DPP6: variants seen among roughly 807,000 people sequenced by gnomAD.
DPP6 encodes A-type potassium channel modulatory protein DPP6.
In DPP6, 69 loss-of-function variants were observed where a neutral mutation model predicts 122.6. The observed-to-expected ratio is 0.56, with a 90% CI of 0.46 to 0.69. The LOEUF (loss-of-function observed/expected upper bound fraction) is 0.69, where lower values mean the gene tolerates loss of function less well. Ranked by LOEUF, DPP6 falls within the 30% of genes least tolerant of loss-of-function variation. The pLI, the probability that DPP6 is intolerant of heterozygous loss-of-function variation, is 0.00. For missense variants in DPP6, 928 were observed against 1,116.9 expected (o/e 0.83, Z 2.41); for synonymous variants, 418 against 433.1 (o/e 0.97, Z 0.43).
At chr7:154,122,790 T>C (rs1214942901) in intron 1 of DPP6, among the ~76,000 whole-genome samples, 3 of 152,202 alleles carry the variant, frequency 2.0e-5, no homozygotes, top group African/African-American at 7.2e-5. Flanking sequence ...GACCCCTCCC[T>C]CGAATTATCA....
At chr7:154,754,548 A>G (rs558534125) in intron 8 of DPP6, among the ~76,000 whole-genome samples, 1 of 152,382 alleles carries the variant, frequency 6.6e-6, no homozygotes, top group South Asian at 2.1e-4. Context: ...AAAAATGATG[A>G]TAGGGTTCAC....
chr7:154,751,198 G>A (rs965478771), intron 8 of DPP6, among the ~76,000 whole-genome samples: 10 of 152,306 alleles, frequency 6.6e-5, no homozygotes, highest in African/African-American at 2.2e-4. Flanking sequence ...CTTTAAAGGA[G>A]ATGTGGGTGT....
intron 1 of DPP6, among the ~76,000 whole-genome samples, chr7:154,143,261 T>G (rs998165330): frequency 2.0e-5 from 3 of 152,210 alleles, no homozygotes; most frequent in Non-Finnish European, 1.5e-5. Flanking sequence ...AAGTCTTTTC[T>G]GACCGTTCCC....
At chr7:154,228,107 G>A (rs1188119102) in intron 1 of DPP6, among the ~76,000 whole-genome samples, 7 of 152,072 alleles carry the variant, frequency 4.6e-5, no homozygotes, top group Non-Finnish European at 8.8e-5. Context: ...TAATCAAATG[G>A]GATCCTGAGA....
chr7:154,049,084 C>G (rs1192479693), upstream of DPP6, among the ~76,000 whole-genome samples: 13 of 151,228 alleles, frequency 8.6e-5, no homozygotes, highest in Admixed American at 2.6e-4. Context: ...AAGAATTAAA[C>G]TCGACATTAA....
intron 1 of DPP6, among the ~76,000 whole-genome samples, chr7:154,330,091 A>G (rs1296878941): frequency 6.6e-6 from 1 of 152,228 alleles, no homozygotes; most frequent in East Asian, 1.9e-4. Context: ...TGCAGGGCTT[A>G]AAACCTAGAT....
chr7:154,137,144 C>T (rs575771856), intron 1 of DPP6, among the ~76,000 whole-genome samples: 94 of 152,252 alleles, frequency 6.2e-4, no homozygotes, highest in East Asian at 3.5e-3. Context: ...GACCATAAAA[C>T]GTTTCCACCC....
At chr7:154,607,986 C>T (rs199858057) in intron 5 of DPP6, among the ~76,000 whole-genome samples, 11,687 of 102,028 alleles carry the variant, frequency 0.11, 3,005 homozygotes, top group South Asian at 0.15. Context: ...TTTTTTTTTT[C>T]TTTTTTTTTT....
chr7:154,021,797 A>C (rs1421899346), intron 1 of DPP6, among the ~76,000 whole-genome samples: 2 of 152,184 alleles, frequency 1.3e-5, no homozygotes, highest in African/African-American at 2.4e-5. Flanking sequence ...CCTGGACTCT[A>C]AGCCTCCCTG....
intron 1 of DPP6, among the ~76,000 whole-genome samples, chr7:153,906,538 C>T (rs1799858901): frequency 6.6e-6 from 1 of 152,156 alleles, no homozygotes; most frequent in African/African-American, 2.4e-5. Flanking sequence ...GCAGCCTCGG[C>T]CTCCCAGGCT....
At chr7:154,502,826 T>A (rs1563770962) in intron 3 of DPP6, among the ~76,000 whole-genome samples, 1 of 152,110 alleles carries the variant, frequency 6.6e-6, no homozygotes, top group Non-Finnish European at 1.5e-5. Context: ...AGGGAAAAGT[T>A]AATGGAGACT....
chr7:154,049,168 G>A (rs1022188880), upstream of DPP6, among the ~76,000 whole-genome samples: 13 of 149,862 alleles, frequency 8.7e-5, no homozygotes, highest in Admixed American at 8.6e-4. Context: ...CTGCTTCATC[G>A]CCACAGTGTA....
intron 1 of DPP6, among the ~76,000 whole-genome samples, chr7:153,938,626 C>T (rs973253141): frequency 1.3e-5 from 2 of 152,210 alleles, no homozygotes; most frequent in Non-Finnish European, 2.9e-5. Context: ...AAGTTATCGA[C>T]GTCCAACCCC....
chr7:154,587,901 C>G, intron 5 of DPP6: 1 of 1,612,872 alleles, frequency 6.2e-7, no homozygotes, highest in Non-Finnish European at 8.5e-7. Flanking sequence ...TGGAGGATTG[C>G]AGGAGAGTCC....
intron 1 of DPP6, among the ~76,000 whole-genome samples, chr7:153,942,456 G>A (rs1801741028): frequency 6.6e-6 from 1 of 152,216 alleles, no homozygotes; most frequent in East Asian, 1.9e-4. Flanking sequence ...AGAGGCATTG[G>A]CTGGAATTGG....
intron 1 of DPP6, among the ~76,000 whole-genome samples, chr7:154,060,667 C>T (rs1801668333): frequency 2.1e-5 from 3 of 144,416 alleles, no homozygotes; most frequent in Non-Finnish European, 3.1e-5. Flanking sequence ...AGAGTGGCGA[C>T]TGAGAGCTAT....
chr7:154,113,501 C>T (rs1806759248), intron 1 of DPP6, among the ~76,000 whole-genome samples: 1 of 152,048 alleles, frequency 6.6e-6, no homozygotes, highest in Admixed American at 6.6e-5. Flanking sequence ...GAGGTGATAC[C>T]TCTTTGTGGT....
chr7:154,431,466 C>A (rs1338451213), intron 1 of DPP6, among the ~76,000 whole-genome samples: 1 of 13,696 alleles, frequency 7.3e-5, no homozygotes, highest in Non-Finnish European at 1.2e-4. Context: ...CTTTTCTTTT[C>A]TTTTCTTTTC....
chr7:154,812,085 T>C (rs1799095818), intron 16 of DPP6, among the ~76,000 whole-genome samples: 1 of 152,136 alleles, frequency 6.6e-6, no homozygotes, highest in African/African-American at 2.4e-5. Context: ...TGTCTGGGCA[T>C]AGGAAGGGAT....
Sources: gnomAD v4.1 joint callset for allele counts (sites outside exome capture counted in the v4.1 genomes callset) on GRCh38, gnomAD v4.1.1 for gene constraint, MANE v1.5 for transcripts, NCBI Gene and HGNC (gene_info 2026-07-23, HGNC 2026-07-21) for gene names.